The following HPSE2 variants were observed in gnomAD, a reference collection of about 807,000 sequenced individuals.
HPSE2 encodes the protein heparanase 2 (inactive), also known as inactive heparanase-2.
HPSE2 carries 38 observed loss-of-function variants against 60.5 expected under a neutral mutation model. The ratio of observed to expected loss-of-function variants is 0.63; its 90% CI spans 0.48 to 0.82. HPSE2 has a LOEUF of 0.82. Ranked by LOEUF, HPSE2 falls within the 40% of genes least tolerant of loss-of-function variation. The pLI is 0.00. For missense variants in HPSE2, 713 were observed against 740.4 expected, an observed-to-expected ratio of 0.96 and a Z score of 0.43; for synonymous variants, 295 against 293.2, an observed-to-expected ratio of 1.01 and a Z score of -0.06.
chr10:99,219,468 C>T lies in HPSE2; in HGVS notation c.448+12880G>A, dbSNP rs1849239480. 3.9e-5 allele frequency among the ~76,000 whole-genome samples: 6 copies of T among 152,186 alleles called. No homozygotes were observed. In the South Asian group the frequency reaches 1.2e-3, roughly 31 times the overall value. On this transcript the variant is annotated intron_variant, in intron 2 of 11. Coordinates refer to ENST00000370552, the MANE Select transcript of HPSE2 (RefSeq NM_021828.5). The stretch of plus-strand genomic sequence containing the variant: ...CTCTCCCAGAAACCACAGACCCACT[C>T]TAGTCTCCCAGAGAACCTGTTTCAG...
rs368858884 is a variant in HPSE2, at chr10:99,033,599, G to A, written c.610+110639C>T. Among the ~76,000 whole-genome samples the A allele has an allele frequency of 7.2e-5, 11 of 152,014 alleles. No homozygotes were observed. In the East Asian group the frequency reaches 7.7e-4, roughly 11 times the overall value. On this transcript the variant is annotated intron_variant, in intron 3 of 11. Coordinates refer to ENST00000370552, the MANE Select transcript of HPSE2 (RefSeq NM_021828.5). ...AGATCGAGACCATCCTGGCTAACAC[G>A]GTGAAACCTCATCTCTACTAAAAAT...
At chr10:99,013,539 A>G (rs10786493) in intron 3 of HPSE2, 194,256 of 249,388 alleles carry the variant, frequency 0.78, 76,224 homozygotes, top group East Asian at 0.86. Context: ...TGGCACGATC[A>G]CAGCTCACTG....
intron 2 of HPSE2, among the ~76,000 whole-genome samples, chr10:99,227,795 G>A (rs1005449409): frequency 2.0e-4 from 30 of 147,496 alleles, no homozygotes; most frequent in African/African-American, 7.2e-4. Flanking sequence ...TAGATGGAAA[G>A]GTAAAATATA....
intron 11 of HPSE2, among the ~76,000 whole-genome samples, chr10:98,461,062 T>C (rs1940266979): frequency 6.6e-6 from 1 of 152,264 alleles, no homozygotes; most frequent in African/African-American, 2.4e-5. Context: ...CGTGACATCA[T>C]CTGAGCTGTA....
intron 5 of HPSE2, among the ~76,000 whole-genome samples, chr10:98,698,785 G>A (rs1179927621): frequency 6.6e-6 from 1 of 152,126 alleles, no homozygotes; most frequent in South Asian, 2.1e-4. Context: ...TCAAATAGAT[G>A]CAATAAAAAA....
chr10:99,081,600 G>C (rs1843140252), intron 3 of HPSE2, among the ~76,000 whole-genome samples: 1 of 150,966 alleles, frequency 6.6e-6, no homozygotes, highest in African/African-American at 2.4e-5. Flanking sequence ...TGATGATGAT[G>C]ATGATGATGA....
At chr10:98,758,379 C>T (rs1346185951) in intron 3 of HPSE2, among the ~76,000 whole-genome samples, 1 of 149,280 alleles carries the variant, frequency 6.7e-6, no homozygotes, top group African/African-American at 2.4e-5. Context: ...GCAAAATGAA[C>T]TATCAGCAAA....
At chr10:98,947,922 G>T (rs1039910760) in intron 3 of HPSE2, among the ~76,000 whole-genome samples, 1 of 152,010 alleles carries the variant, frequency 6.6e-6, no homozygotes, top group Non-Finnish European at 1.5e-5. Flanking sequence ...ATTAAACAAC[G>T]TTCCTGGCCA....
the HPSE2 span, among the ~76,000 whole-genome samples, chr10:99,264,890 A>G: frequency 6.6e-6 from 1 of 152,002 alleles, no homozygotes; most frequent in South Asian, 2.1e-4. Flanking sequence ...CACTAGAAGC[A>G]ACCCTGAGAA....
the HPSE2 span, among the ~76,000 whole-genome samples, chr10:99,293,584 G>T: frequency 6.6e-6 from 1 of 152,056 alleles, no homozygotes; most frequent in Non-Finnish European, 1.5e-5. Context: ...GTAGATTAAG[G>T]GTCATGATCA....
chr10:98,684,632 G>T (rs553819075), intron 6 of HPSE2, among the ~76,000 whole-genome samples: 1 of 152,174 alleles, frequency 6.6e-6, no homozygotes, highest in Non-Finnish European at 1.5e-5. Context: ...TGGTTAGGAG[G>T]TATGAGAGCT....
chr10:99,003,465 T>A (rs1956821942), intron 3 of HPSE2, among the ~76,000 whole-genome samples: 1 of 152,156 alleles, frequency 6.6e-6, no homozygotes, highest in South Asian at 2.1e-4. Context: ...ACCAACAGCA[T>A]GCAAGGGTTC....
At chr10:99,282,999 A>G in the HPSE2 span, among the ~76,000 whole-genome samples, 2 of 152,090 alleles carry the variant, frequency 1.3e-5, no homozygotes, top group African/African-American at 2.4e-5. Flanking sequence ...CCTGGCTAAC[A>G]TGGTGAAACC....
intron 3 of HPSE2, among the ~76,000 whole-genome samples, chr10:99,032,054 T>C (rs989674603): frequency 2.0e-5 from 3 of 152,194 alleles, no homozygotes; most frequent in South Asian, 2.1e-4. Context: ...ACACCACATA[T>C]ATCTCGCTTA....
At position 98,959,524 on chromosome 10, in the gene HPSE2, T is replaced by C. The variant is rs142653096; in HGVS notation, c.610+184714A>G. Among the ~76,000 whole-genome samples, 1,168 of 152,272 alleles carry C rather than the reference T, an allele frequency of 7.7e-3. 7 individuals carry two copies. Among genetic ancestry groups the C allele is most frequent in the South Asian group, 0.015 (71 of 4,822 alleles). On this transcript the variant is annotated intron_variant, in intron 3 of 11. Coordinates refer to ENST00000370552, the MANE Select transcript of HPSE2 (RefSeq NM_021828.5). ...CTTGGATTTTAAAGCATCAAAGCAC[T>C]GTTTGTGCCCAAAACGTTTTGTGAA...
chr10:98,620,740 C>G (rs140384869), intron 7 of HPSE2, 32 bp from the exon 8 acceptor site: 6 of 1,463,542 alleles, frequency 4.1e-6, no homozygotes, highest in Middle Eastern at 1.7e-4. Context: ...AAGGGGATAA[C>G]GAGGTTTTAA....
intron 9 of HPSE2, among the ~76,000 whole-genome samples, chr10:98,581,425 A>G (rs576790806): frequency 6.6e-6 from 1 of 152,294 alleles, no homozygotes; most frequent in South Asian, 2.1e-4. Flanking sequence ...CAGAGATTTG[A>G]TAAAAATTTA....
chr10:98,608,506 CAGAT>C (rs1265204007), intron 9 of HPSE2, among the ~76,000 whole-genome samples: 1 of 152,158 alleles, frequency 6.6e-6, no homozygotes, highest in Non-Finnish European at 1.5e-5. Context: ...GCCTTCCTGT[CAGAT>C]AGTGCAGAGC....
chr10:98,463,258 A>G (rs568076856), intron 11 of HPSE2, among the ~76,000 whole-genome samples: 2 of 152,182 alleles, frequency 1.3e-5, no homozygotes, highest in African/African-American at 2.4e-5. Flanking sequence ...ATTGTGAACA[A>G]TGACACCCAG....
Sources: allele counts gnomAD v4.1 joint callset (sites outside exome capture counted in the v4.1 genomes callset), GRCh38; gene constraint gnomAD v4.1.1; transcripts MANE v1.5; gene names NCBI Gene and HGNC (gene_info 2026-07-23, HGNC 2026-07-21).